ACAN: variants seen among roughly 807,000 people sequenced by gnomAD.
ACAN encodes the protein aggrecan.
Under a neutral mutation model 169.1 loss-of-function variants are expected in ACAN, and 47 were observed. The observed-to-expected ratio is 0.28, with a 90% CI of 0.22 to 0.35. ACAN has a LOEUF of 0.35. ACAN is among the 10% of genes least tolerant of loss of function. ACAN has a pLI of 1.00. For missense variants in ACAN, 2,716 were observed against 2,759.9 expected (o/e 0.98, Z 0.36); for synonymous variants, 1,115 against 1,112.2 (o/e 1.00, Z -0.05).
rs780745834 is a variant in ACAN at position 88,872,052 on chromosome 15, A to C, written c.7269A>C (p.Glu2423Asp). 146 of 1,613,964 alleles carry C rather than the reference A, an allele frequency of 9.0e-5. No individual in the cohort carries two copies. The highest frequency in any genetic ancestry group is 1.6e-4 in the Middle Eastern group (1 of 6,062). ...QWIGLNDRTIEGDFRWSDGHP... is the reference protein window; with the variant it reads ...QWIGLNDRTIDGDFRWSDGHP... ...TCGGCCTGAACGACAGGACCATCGA[A>C]GGGGACTTCCGCTGGTCAGATGGAC... The change falls in exon 16 of 19, where the codon GAA becomes GAC. Residue 2423 changes from glutamate (E) to aspartate (D), a missense_variant. By Grantham distance (45) the Glu-to-Asp change is conservative. Around this residue, in one of 3 missense-constraint regions of ACAN, gnomAD observed 1,389 missense variants for 1,363.7 expected, o/e 1.02. Coordinates refer to ENST00000560601, the MANE Select transcript of ACAN (RefSeq NM_001369268.1). The surrounding 1 kb of genome is among the most constrained non-coding windows in gnomAD (Gnocchi z 5.4).
chr15:88,829,129 T>G (rs1237914041), intron 1 of ACAN, among the ~76,000 whole-genome samples: 2 of 151,996 alleles, frequency 1.3e-5, no homozygotes, highest in East Asian at 3.8e-4. Context: ...TTAAGATGCT[T>G]CAGTGATGAC....
At chr15:88,833,101 A>G (rs977322696) in intron 1 of ACAN, among the ~76,000 whole-genome samples, 3 of 152,182 alleles carry the variant, frequency 2.0e-5, no homozygotes, top group African/African-American at 7.2e-5. Flanking sequence ...GTTCAATCCC[A>G]TAATTTGATG....
rs1468912539 is a variant in ACAN, at chr15:88,871,955, C to A, written c.7220-48C>A. On this transcript the variant is annotated intron_variant, in intron 15 of 18. Coordinates refer to ENST00000560601, the MANE Select transcript of ACAN (RefSeq NM_001369268.1). This position sits in a 1 kb window ranked among gnomAD's most constrained non-coding sequence, Gnocchi z 7.8. ...TCCGTGAGCTCAAGTTTCTCAGACA[C>A]CCTCAGGGTGTCCAGTGTGATGCCT... 5.2e-6 allele frequency: 8 copies of A among 1,528,436 alleles called. No homozygotes were observed. The highest frequency in any genetic ancestry group is 5.0e-5 in the Admixed American group (3 of 59,890). 94.7% of individuals were successfully genotyped at this position (1,528,436 alleles called of 1,614,324 possible).
intron 1 of ACAN, among the ~76,000 whole-genome samples, chr15:88,811,241 C>G (rs1479581469): frequency 6.6e-6 from 1 of 152,180 alleles, no homozygotes; most frequent in Non-Finnish European, 1.5e-5. Context: ...GCTGATGGAC[C>G]TTGGAAATCA....
intron 1 of ACAN, among the ~76,000 whole-genome samples, chr15:88,833,284 A>G (rs1190704074): frequency 2.0e-5 from 3 of 152,168 alleles, no homozygotes; most frequent in African/African-American, 4.8e-5. Context: ...TCTCCACATA[A>G]TGCTCTCTGA....
chr15:88,850,653 T>C (rs1896909433), intron 10 of ACAN: 1 of 152,134 alleles, frequency 6.6e-6, no homozygotes, highest in African/African-American at 2.4e-5. Context: ...TAAAACCCAA[T>C]TCAAGGCCAG....
rs973135981 is a variant in ACAN, at chr15:88,861,545, G to GT, written c.6946+1107dup. Among the ~76,000 whole-genome samples the GT allele has an allele frequency of 2.0e-5, 3 of 151,970 alleles. No individual in the cohort carries two copies. The highest frequency in any genetic ancestry group is 7.3e-5 in the African/African-American group (3 of 41,330). On this transcript the variant is annotated intron_variant, in intron 13 of 18. Transcript: ENST00000560601. The surrounding 1 kb of genome is among the most constrained non-coding windows in gnomAD (Gnocchi z 6.3). ...TGGTACATATGCAGTAACTATATAT[G>GT]TATATATAAACAGACGTTAGGGTAG...
rs774028386 is a variant in ACAN at position 88,843,453 on chromosome 15, C to T, written c.856C>T (p.Leu286Phe). 2 of 1,611,218 alleles carry T rather than the reference C, an allele frequency of 1.2e-6. No individual in the cohort carries two copies. The highest frequency in any genetic ancestry group is 1.7e-5 in the Admixed American group (1 of 59,894). ...TGCCCGGCTGGCCACCACGGGCCAG[C>T]TCTACCTGGCCTGGCAGGCTGGCAT... ...LGARLATTGQ[L>F]YLAWQAGMDM... The change falls in exon 6 of 19, where the codon CTC (leucine) becomes TTC (phenylalanine). Residue 286 changes from leucine (L) to phenylalanine (F), a missense_variant. Leu to Phe is a conservative substitution (Grantham distance 22, BLOSUM62 0). Transcript: ENST00000560601. The surrounding 1 kb of genome is among the most constrained non-coding windows in gnomAD (Gnocchi z 4.0).
intron 5 of ACAN, among the ~76,000 whole-genome samples, chr15:88,842,990 C>T (rs1160107606): frequency 6.6e-6 from 1 of 152,136 alleles, no homozygotes. Flanking sequence ...AAAGGATTTG[C>T]CTTGAGTAGG....
chr15:88,810,149 C>G (rs2141489111), intron 1 of ACAN, among the ~76,000 whole-genome samples: 1 of 152,218 alleles, frequency 6.6e-6, no homozygotes, highest in Non-Finnish European at 1.5e-5. Context: ...TGCTCTTGCA[C>G]CCAGGCTTCT....
intron 1 of ACAN, among the ~76,000 whole-genome samples, chr15:88,826,148 G>A (rs192499089): frequency 2.0e-5 from 3 of 152,286 alleles, no homozygotes; most frequent in East Asian, 1.9e-4. Flanking sequence ...GCTCACGTCG[G>A]GGGGCTCTAC....
Position 88,845,879 on chromosome 15 carries a change from G to A in ACAN, c.1426G>A (p.Gly476Arg), listed in dbSNP as rs1440750025. ...TAVPGQPHLPGGVVFHYRPGP... is the reference protein window; with the variant it reads ...TAVPGQPHLPRGVVFHYRPGP... ...TGTCCCTGGGCAGCCGCATTTGCCA[G>A]GGGGTAAGTAGCTGCCCGTGGGTGC... The change falls in exon 7 of 19, where the codon GGG (glycine) becomes AGG (arginine). Residue 476 changes from glycine to arginine, a missense_variant. Physicochemically the swap from Gly to Arg is moderately radical, Grantham distance 125. Around this residue, in one of 3 missense-constraint regions of ACAN, gnomAD observed 1,283 missense variants for 1,281.5 expected, o/e 1.00. Coordinates refer to ENST00000560601, the MANE Select transcript of ACAN (RefSeq NM_001369268.1). 2.1e-6 allele frequency: 3 copies of A among 1,451,720 alleles called. No homozygotes were observed. Among genetic ancestry groups the A allele is most frequent in the Non-Finnish European group, 1.8e-6 (2 of 1,098,660 alleles). The allele number at this position is 1,451,720 out of a possible 1,614,324, so 89.9% of individuals were successfully genotyped here.
At position 88,804,027 on chromosome 15, in the gene ACAN, A is replaced by G. The variant is rs540225156; in HGVS notation, c.-8+218A>G. Among the ~76,000 whole-genome samples, 40 of 152,236 alleles carry G rather than the reference A, an allele frequency of 2.6e-4. 1 individual carries two copies. The highest frequency in any genetic ancestry group is 6.8e-3 in the Middle Eastern group (2 of 294). ...CAGACTCAGTGAATGGGGCAAAGGA[A>G]CACGTGAGGAGGGGCACTTGTCTCC... On this transcript the variant is annotated intron_variant, in intron 1 of 18. Transcript: ENST00000560601.
Position 88,871,472 on chromosome 15 carries a change from G to A in ACAN, c.7151G>A (p.Arg2384His), listed in dbSNP as rs199999713. Residue 2384 changes from arginine (R) to histidine (H), a missense_variant, in exon 15 of 19, where the codon CGC (arginine) becomes CAC (histidine). Physicochemically the swap from Arg to His is conservative, Grantham distance 29. Coordinates refer to ENST00000560601, the MANE Select transcript of ACAN (RefSeq NM_001369268.1). The surrounding 1 kb of genome is among the most constrained non-coding windows in gnomAD (Gnocchi z 7.8). ...PDRETWVDAERRCREQQSHLS... is the reference protein window; with the variant it reads ...PDRETWVDAEHRCREQQSHLS... ...CGCGAGACCTGGGTGGATGCTGAGC[G>A]CCGGTGTCGGGAGCAGCAGTCACAC... is the stretch of plus-strand genomic sequence containing the variant. The A allele has an allele frequency of 1.9e-4, 308 of 1,613,890 alleles. No individual in the cohort carries two copies. The African/African-American group carries it at 3.3e-3, about 17-fold the overall frequency.
Position 88,857,872 on chromosome 15 carries a change from C to T in ACAN, c.5287C>T (p.Pro1763Ser). 6.2e-7 allele frequency: 1 copy of T among 1,613,656 alleles called. No homozygotes were observed. The highest frequency in any genetic ancestry group is 8.5e-7 in the Non-Finnish European group (1 of 1,179,792). The change falls in exon 12 of 19, where the codon CCA (proline) becomes TCA (serine). Residue 1763 changes from proline (P) to serine (S), a missense_variant. Physicochemically the swap from Pro to Ser is moderately conservative, Grantham distance 74 (BLOSUM62 -1). Transcript: ENST00000560601. Reference sequence around the variant, plus strand: ...GCTTAGCGGGCTGTCCTCTGGACAACCAGGTATTAGTGGAGAAGCATCTGG... The same window carrying T: ...GCTTAGCGGGCTGTCCTCTGGACAATCAGGTATTAGTGGAGAAGCATCTGG... ...TELSGLSSGQ[P>S]GISGEASGVL... is the part of the protein sequence containing the mutation.
intron 1 of ACAN, among the ~76,000 whole-genome samples, chr15:88,834,450 GC>G (rs1359664260): frequency 3.9e-5 from 6 of 152,192 alleles, no homozygotes; most frequent in Non-Finnish European, 7.3e-5. Context: ...CTCCTGGGGT[GC>G]CCCCCTCATC....
rs989568054 is a variant in ACAN, at chr15:88,843,613, A to T, written c.1016A>T (p.Asp339Val). The part of the protein sequence containing the change: ...YVHANQTGYP[D>V]PSSRYDAICY... ...CATGCCAACCAGACGGGCTACCCCG[A>T]CCCCTCATCCCGCTACGACGCCATC... The change falls in exon 6 of 19, where the codon GAC (aspartate) becomes GTC (valine). Residue 339 changes from aspartate (D) to valine (V), a missense_variant. By Grantham distance (152) the Asp-to-Val change is radical. Transcript: ENST00000560601. This position sits in a 1 kb window ranked among gnomAD's most constrained non-coding sequence, Gnocchi z 4.0. 6.3e-7 allele frequency: 1 copy of T among 1,594,114 alleles called. No individual in the cohort carries two copies. Among genetic ancestry groups the T allele is most frequent in the African/African-American group, 1.3e-5 (1 of 74,508 alleles).
intron 1 of ACAN, among the ~76,000 whole-genome samples, chr15:88,816,752 T>C (rs1225125875): frequency 6.6e-6 from 1 of 152,216 alleles, no homozygotes; most frequent in Non-Finnish European, 1.5e-5. Context: ...TTACCCAGAA[T>C]GGGCCCCATG....
Position 88,838,517 on chromosome 15 carries a change from C to T in ACAN, c.71-146C>T. ...CCTTTCTGGGAATTCCCACATGACA[C>T]GGGAGCATCCCCATCATAGAGACAG... On this transcript the variant is annotated intron_variant, in intron 2 of 18. Coordinates refer to ENST00000560601, the MANE Select transcript of ACAN (RefSeq NM_001369268.1). This position sits in a 1 kb window ranked among gnomAD's most constrained non-coding sequence, Gnocchi z 5.1. The T allele has an allele frequency of 4.8e-6, 5 of 1,035,906 alleles. No individual in the cohort carries two copies. Among genetic ancestry groups the T allele is most frequent in the East Asian group, 4.8e-5 (2 of 41,330 alleles). The allele number at this position is 1,035,906 out of a possible 1,614,324, so 64.2% of individuals were successfully genotyped here.
Sources: gnomAD v4.1 joint callset for allele counts (sites outside exome capture counted in the v4.1 genomes callset) on GRCh38, gnomAD v4.1.1 for gene constraint, gnomAD v4.1.1 regional missense constraint, Gnocchi (gnomAD v3.1) non-coding constraint, MANE v1.5 for transcripts, NCBI Gene and HGNC (gene_info 2026-07-23, HGNC 2026-07-21) for gene names.